The following RAD18 variants were observed in gnomAD, a reference collection of about 807,000 sequenced individuals.
RAD18 encodes the protein E3 ubiquitin-protein ligase RAD18.
A neutral mutation model predicts 60.4 loss-of-function variants in RAD18; 47 were observed. The observed-to-expected ratio is 0.78, with a 90% confidence interval of 0.62 to 0.99. RAD18 has a LOEUF of 0.99. Among genes scored for constraint, RAD18 ranks in the 50% least tolerant of loss-of-function variants. The pLI is 0.00. For missense variants in RAD18, 640 were observed against 593.3 expected (o/e 1.08, Z -0.82); for synonymous variants, 225 against 195.5 (o/e 1.15, Z -1.26).
chr3:8,942,641 G>T (rs1940773018), intron 4 of RAD18, among the ~76,000 whole-genome samples: 2 of 152,156 alleles, frequency 1.3e-5, no homozygotes, highest in Non-Finnish European at 2.9e-5. Flanking sequence ...CTAGGAATGG[G>T]TACTAAAGTG....
intron 9 of RAD18, among the ~76,000 whole-genome samples, chr3:8,902,979 T>C (rs1439054728): frequency 2.0e-5 from 3 of 151,602 alleles, no homozygotes; most frequent in African/African-American, 7.3e-5. Flanking sequence ...TGACCCGAGA[T>C]TGCACCACTG....
chr3:8,935,187 G>A (rs1169212076), intron 7 of RAD18, among the ~76,000 whole-genome samples: 1 of 152,174 alleles, frequency 6.6e-6, no homozygotes, highest in African/African-American at 2.4e-5. Flanking sequence ...TATAATTTGT[G>A]TGTTTTAATG....
chr3:8,941,142 G>C (rs1484020177), intron 5 of RAD18, among the ~76,000 whole-genome samples: 1 of 152,190 alleles, frequency 6.6e-6, no homozygotes, highest in African/African-American at 2.4e-5. Flanking sequence ...GGTAAAATAA[G>C]ATAAAAAGAG....
intron 1 of RAD18, among the ~76,000 whole-genome samples, chr3:8,961,131 G>A (rs1056965022): frequency 6.6e-6 from 1 of 152,148 alleles, no homozygotes; most frequent in African/African-American, 2.4e-5. Context: ...GAATGATTCT[G>A]AAAGATCTGC....
intron 7 of RAD18, among the ~76,000 whole-genome samples, chr3:8,920,295 A>AG (rs1158814126): frequency 6.6e-6 from 1 of 151,608 alleles, no homozygotes; most frequent in East Asian, 1.9e-4. Context: ...AAAAAAAAAA[A>AG]AAAGAAAAAG....
At chr3:8,890,046 C>A in intron 12 of RAD18, 1 of 276,000 alleles carries the variant, frequency 3.6e-6, no homozygotes, top group Non-Finnish European at 7.0e-6. Flanking sequence ...GTGGGCTATA[C>A]CATCTAGGTA....
At chr3:8,883,698 G>A (rs558769072) in intron 12 of RAD18, among the ~76,000 whole-genome samples, 81 of 152,142 alleles carry the variant, frequency 5.3e-4, no homozygotes, top group Non-Finnish European at 1.0e-3. Context: ...AAGCATGCAC[G>A]GAAGCTCTAT....
rs527714937 is a variant in RAD18 at position 8,927,963 on chromosome 3, G to A, written c.889+7908C>T. Among the ~76,000 whole-genome samples, 72 of 150,484 alleles carry A rather than the reference G, an allele frequency of 4.8e-4. 2 individuals carry two copies. The South Asian group carries it at 0.015, about 31-fold the overall frequency. On this transcript the variant is annotated intron_variant, in intron 7 of 12. Coordinates refer to ENST00000264926, the MANE Select transcript of RAD18 (RefSeq NM_020165.4). Reference sequence around the variant, plus strand: ...ATTAGGAGATATACCTAATGTAAATGACGAGTTAGTGGGGGCAGCACACCA... The same window carrying A: ...ATTAGGAGATATACCTAATGTAAATAACGAGTTAGTGGGGGCAGCACACCA...
At chr3:8,918,352 T>C (rs1466626762) in intron 7 of RAD18, among the ~76,000 whole-genome samples, 1 of 148,188 alleles carries the variant, frequency 6.7e-6, no homozygotes, top group Non-Finnish European at 1.5e-5. Flanking sequence ...GGAAATTATA[T>C]CGTGATAAAA....
chr3:8,923,074 G>A (rs550520), intron 7 of RAD18, among the ~76,000 whole-genome samples: 105,204 of 152,090 alleles, frequency 0.69, 36,926 homozygotes, highest in Middle Eastern at 0.77. Flanking sequence ...GAATGACTTC[G>A]ACGAGTTGAG....
intron 2 of RAD18, among the ~76,000 whole-genome samples, chr3:8,954,379 G>C (rs140039569): frequency 1.6e-3 from 242 of 152,286 alleles, no homozygotes; most frequent in Non-Finnish European, 2.7e-3. Context: ...CTCTTTTGAT[G>C]TTTGAAAGCC....
chr3:8,933,509 C>T (rs1371164605), intron 7 of RAD18, among the ~76,000 whole-genome samples: 1 of 152,104 alleles, frequency 6.6e-6, no homozygotes, highest in Non-Finnish European at 1.5e-5. Context: ...AAGCGACAAG[C>T]CATTGGATAT....
At chr3:8,957,312 G>C (rs1169997364) in intron 2 of RAD18, among the ~76,000 whole-genome samples, 2 of 152,010 alleles carry the variant, frequency 1.3e-5, no homozygotes, top group Non-Finnish European at 2.9e-5. Flanking sequence ...GGTAGAAATT[G>C]ACAACCTGAT....
intron 7 of RAD18, among the ~76,000 whole-genome samples, chr3:8,922,522 C>T (rs1451591603): frequency 6.6e-6 from 1 of 152,204 alleles, no homozygotes; most frequent in Non-Finnish European, 1.5e-5. Context: ...GCAGCAGAAA[C>T]CTCTGCAGGC....
chr3:8,925,420 T>C (rs1183268425), intron 7 of RAD18, among the ~76,000 whole-genome samples: 1 of 152,154 alleles, frequency 6.6e-6, no homozygotes, highest in Non-Finnish European at 1.5e-5. Context: ...CAATAATTAA[T>C]AGCCTACCAA....
chr3:8,959,612 C>A (rs759241007), intron 1 of RAD18, among the ~76,000 whole-genome samples: 2 of 152,124 alleles, frequency 1.3e-5, no homozygotes, highest in Non-Finnish European at 2.9e-5. Flanking sequence ...AGAGCTGGGG[C>A]AGTGAAAGCA....
At chr3:8,921,498 A>G (rs2125058935) in intron 7 of RAD18, among the ~76,000 whole-genome samples, 1 of 152,234 alleles carries the variant, frequency 6.6e-6, no homozygotes, top group South Asian at 2.1e-4. Flanking sequence ...CAAAACAAAC[A>G]AACAAAAATT....
At chr3:8,903,199 C>T (rs961686019) in intron 9 of RAD18, among the ~76,000 whole-genome samples, 1 of 152,110 alleles carries the variant, frequency 6.6e-6, no homozygotes, top group African/African-American at 2.4e-5. Flanking sequence ...AATATGGAAA[C>T]ATGATATTCC....
chr3:8,936,151 C>A (rs1473932889), intron 6 of RAD18, 96 bp from the exon 7 acceptor site: 2 of 1,182,110 alleles, frequency 1.7e-6, no homozygotes, highest in East Asian at 2.7e-5. Flanking sequence ...CCTGGGTGAC[C>A]GGGAAAATAG....
Sources: gnomAD v4.1 joint callset for allele counts (sites outside exome capture counted in the v4.1 genomes callset) on GRCh38, gnomAD v4.1.1 for gene constraint, MANE v1.5 for transcripts, NCBI Gene and HGNC (gene_info 2026-07-23, HGNC 2026-07-21) for gene names.